The following VTI1A variants were observed in gnomAD, a reference collection of about 807,000 sequenced individuals.
VTI1A encodes the protein vesicle transport through interaction with t-SNAREs 1A.
In VTI1A, 22 loss-of-function variants were observed where a neutral mutation model predicts 34.9. The ratio of observed to expected loss-of-function variants is 0.63; its 90% CI spans 0.45 to 0.90. VTI1A has a LOEUF of 0.90. VTI1A is among the 40% of genes least tolerant of loss of function. The pLI is 0.00. For synonymous variants in VTI1A, 87 were observed against 97.3 expected, an observed-to-expected ratio of 0.89 and a Z score of 0.62; for missense variants, 268 against 275.6, an observed-to-expected ratio of 0.97 and a Z score of 0.20.
intron 5 of VTI1A, among the ~76,000 whole-genome samples, chr10:112,596,209 G>A (rs1411915905): frequency 6.6e-6 from 1 of 151,942 alleles, no homozygotes; most frequent in Non-Finnish European, 1.5e-5. Flanking sequence ...TATACCTAAT[G>A]CTAAATGATG....
At chr10:112,456,597 T>A (rs1847534632) in intron 1 of VTI1A, among the ~76,000 whole-genome samples, 1 of 152,070 alleles carries the variant, frequency 6.6e-6, no homozygotes, top group Non-Finnish European at 1.5e-5. Context: ...GACTATATTA[T>A]AAGAGGTTGC....
intron 7 of VTI1A, among the ~76,000 whole-genome samples, chr10:112,796,485 AC>A (rs1362152912): frequency 3.3e-5 from 5 of 152,170 alleles, no homozygotes; most frequent in Non-Finnish European, 7.4e-5. Context: ...ATCCAAGTGA[AC>A]TGATGAATTC....
the VTI1A span, among the ~76,000 whole-genome samples, chr10:112,843,881 C>A: frequency 4.6e-5 from 7 of 152,088 alleles, no homozygotes; most frequent in African/African-American, 1.7e-4. Context: ...AGCCTTCCCC[C>A]ACCCCATCTC....
At chr10:112,620,926 C>T (rs951894169) in intron 5 of VTI1A, among the ~76,000 whole-genome samples, 17 of 152,196 alleles carry the variant, frequency 1.1e-4, no homozygotes, top group African/African-American at 3.9e-4. Flanking sequence ...GTGAGCAATG[C>T]GGCATTCCAG....
At chr10:112,501,472 A>C (rs1849232306) in intron 3 of VTI1A, among the ~76,000 whole-genome samples, 1 of 152,202 alleles carries the variant, frequency 6.6e-6, no homozygotes, top group Admixed American at 6.5e-5. Flanking sequence ...TTTACAAAAA[A>C]ATGAACAAAA....
intron 5 of VTI1A, among the ~76,000 whole-genome samples, chr10:112,543,260 T>C (rs1850938383): frequency 6.6e-6 from 1 of 152,182 alleles, no homozygotes; most frequent in Non-Finnish European, 1.5e-5. Context: ...CACACTGTCT[T>C]CCACAATGGT....
At chr10:112,755,150 G>A (rs1292300778) in intron 7 of VTI1A, among the ~76,000 whole-genome samples, 1 of 152,160 alleles carries the variant, frequency 6.6e-6, no homozygotes, top group Non-Finnish European at 1.5e-5. Flanking sequence ...AGCTACCTCA[G>A]GAGGCTGAGG....
chr10:112,626,587 A>G (rs2134596537), intron 5 of VTI1A, among the ~76,000 whole-genome samples: 1 of 152,280 alleles, frequency 6.6e-6, no homozygotes, highest in South Asian at 2.1e-4. Flanking sequence ...TGCAAAAAAA[A>G]AAGAAAGAAA....
intron 3 of VTI1A, among the ~76,000 whole-genome samples, chr10:112,506,931 T>A (rs1171126699): frequency 6.6e-6 from 1 of 151,662 alleles, no homozygotes; most frequent in Non-Finnish European, 1.5e-5. Context: ...TTTAAAGCTG[T>A]ATTTTTTTGG....
the VTI1A span, among the ~76,000 whole-genome samples, chr10:112,838,877 C>T: frequency 8.5e-5 from 13 of 152,346 alleles, no homozygotes; most frequent in South Asian, 2.1e-3. Flanking sequence ...TTGTCACCAG[C>T]GATGTGGATG....
chr10:112,745,430 A>C (rs1850860906), intron 7 of VTI1A, among the ~76,000 whole-genome samples: 1 of 151,976 alleles, frequency 6.6e-6, no homozygotes, highest in Non-Finnish European at 1.5e-5. Flanking sequence ...TGTGCCACCC[A>C]CGTACCTCCA....
intron 7 of VTI1A, among the ~76,000 whole-genome samples, chr10:112,766,976 T>A (rs1564917668): frequency 1.3e-5 from 2 of 152,158 alleles, no homozygotes; most frequent in African/African-American, 4.8e-5. Flanking sequence ...TACATTCAGG[T>A]GTTAGTTATT....
At chr10:112,452,727 CTT>C (rs1016909024) in intron 1 of VTI1A, among the ~76,000 whole-genome samples, 3 of 149,464 alleles carry the variant, frequency 2.0e-5, no homozygotes, top group African/African-American at 7.4e-5. Flanking sequence ...TGGCTTCAGT[CTT>C]TTGTTTTTGT....
At chr10:112,669,115 G>T in intron 7 of VTI1A, 117 bp downstream of exon 7, 1 of 1,115,306 alleles carries the variant, frequency 9.0e-7, no homozygotes, top group Non-Finnish European at 1.3e-6. Flanking sequence ...TTAGTACCCT[G>T]TGCAGGACCC....
chr10:112,814,373 T>C (rs1199765487), intron 7 of VTI1A, among the ~76,000 whole-genome samples: 1 of 152,200 alleles, frequency 6.6e-6, no homozygotes, highest in African/African-American at 2.4e-5. Context: ...TCTATTTCCG[T>C]GCAGCTCTGT....
In VTI1A at chr10:112,780,975, T is replaced by A. The variant is rs745402451; in HGVS notation, c.561-34315T>A. On this transcript the variant is annotated intron_variant, in intron 7 of 7. Transcript: ENST00000393077. ...CATTCTTCAGAATATATATATATAT[T>A]TTTTGACGAAGTCTCGCTCTGTTGC... is the stretch of plus-strand genomic sequence containing the variant. Among the ~76,000 whole-genome samples, 80 of 152,114 alleles carry A rather than the reference T, an allele frequency of 5.3e-4. 1 individual carries two copies. The highest frequency in any genetic ancestry group is 8.5e-4 in the Non-Finnish European group (58 of 68,014).
chr10:112,537,668 T>C (rs1219184108), intron 4 of VTI1A, among the ~76,000 whole-genome samples: 1 of 152,100 alleles, frequency 6.6e-6, no homozygotes, highest in African/African-American at 2.4e-5. Flanking sequence ...GAAACATGTG[T>C]CTCTTGTTTC....
chr10:112,608,604 C>T (rs915022720), intron 5 of VTI1A, among the ~76,000 whole-genome samples: 1 of 151,928 alleles, frequency 6.6e-6, no homozygotes, highest in African/African-American at 2.4e-5. Context: ...ATATGATGAC[C>T]TTACAATAAG....
chr10:112,671,451 C>T (rs941356833), intron 7 of VTI1A, among the ~76,000 whole-genome samples: 1 of 152,186 alleles, frequency 6.6e-6, no homozygotes. Context: ...AGCTTATTTT[C>T]ATATGATAAA....
Sources: gnomAD v4.1 joint callset for allele counts (sites outside exome capture counted in the v4.1 genomes callset) on GRCh38, gnomAD v4.1.1 for gene constraint, MANE v1.5 for transcripts, NCBI Gene and HGNC (gene_info 2026-07-23, HGNC 2026-07-21) for gene names.